Variants in SLC6A13 observed in about 807,000 individuals in gnomAD.
SLC6A13 encodes sodium- and chloride-dependent GABA transporter 2.
In SLC6A13, 69 loss-of-function variants were observed where a neutral mutation model predicts 72.9. The observed-to-expected ratio is 0.95, with a 90% confidence interval of 0.78 to 1.16. The LOEUF is 1.16. Among genes scored for constraint, SLC6A13 ranks in the 50% most tolerant of loss-of-function variants. The pLI is 0.00. For synonymous variants in SLC6A13, 303 were observed against 303.0 expected, an observed-to-expected ratio of 1.00 and a Z score of 0.00; for missense variants, 735 against 760.5, an observed-to-expected ratio of 0.97 and a Z score of 0.39.
rs551801002 is a variant in SLC6A13, at chr12:259,730, C to T, written c.202+121G>A. 3.6e-5 allele frequency: 58 copies of T among 1,598,834 alleles called. No homozygotes were observed. The African/African-American group carries it at 5.2e-4, about 14-fold the overall frequency. ...CAGAGTGTCCTTAATGACCTCTAAG[C>T]GTCCTCCTACCTCCAGAATTCTATA... On this transcript the variant is annotated intron_variant, in intron 2 of 14. Coordinates refer to ENST00000343164, the MANE Select transcript of SLC6A13 (RefSeq NM_016615.5).
intron 8 of SLC6A13, 27 bp from the exon 9 acceptor site, chr12:226,541 GGAAT>G (rs767035978): frequency 6.2e-7 from 1 of 1,608,816 alleles, no homozygotes; most frequent in African/African-American, 1.3e-5. Context: ...AGGAGAGGGC[GGAAT>G]GGCAGGGTCA....
chr12:224,376 CCT>C, intron 10 of SLC6A13, 23 bp downstream of exon 10: 2 of 1,581,538 alleles, frequency 1.3e-6, no homozygotes, highest in Non-Finnish European at 1.7e-6. Flanking sequence ...CATCTCTCAG[CCT>C]CTGAGTGGCT....
Position 247,035 on chromosome 12 carries a change from A to G in SLC6A13, c.203-3222T>C, listed in dbSNP as rs541701741. 3.3e-3 allele frequency among the ~76,000 whole-genome samples: 500 copies of G among 150,258 alleles called. 4 individuals carry two copies. The highest frequency in any genetic ancestry group is 0.012 in the African/African-American group (474 of 41,150). On this transcript the variant is annotated intron_variant, in intron 2 of 14. Coordinates refer to ENST00000343164, the MANE Select transcript of SLC6A13 (RefSeq NM_016615.5). ...AAAAAAAAAAAAAGAAAGAAAGAAAAGAAAGAAAGAAAAGAAAAAAGAAAT... is the reference window on the plus strand; with the variant it reads ...AAAAAAAAAAAAAGAAAGAAAGAAAGGAAAGAAAGAAAAGAAAAAAGAAAT...
At chr12:232,356 G>A (rs1050996847) in intron 7 of SLC6A13, among the ~76,000 whole-genome samples, 6 of 152,244 alleles carry the variant, frequency 3.9e-5, no homozygotes, top group African/African-American at 1.4e-4. Context: ...CTCTTGTGTG[G>A]GGAATCCAAG....
chr12:228,096 A>G (rs1356660301), intron 7 of SLC6A13, among the ~76,000 whole-genome samples: 1 of 152,142 alleles, frequency 6.6e-6, no homozygotes, highest in African/African-American at 2.4e-5. Context: ...CACCACCAGT[A>G]TGTAGCTTTG....
Position 226,388 on chromosome 12 carries a change from A to C in SLC6A13, c.1060+2T>G, listed in dbSNP as rs900608397. On this transcript the variant is annotated splice_donor_variant, in intron 9 of 14. Transcript: ENST00000343164. LOFTEE classifies it high-confidence loss of function. ...CCTCCAGGCCTCCCCAGTAACACTCACCTGACTCGGCCACCTCAGAAATGG... is the reference window on the plus strand; with the variant it reads ...CCTCCAGGCCTCCCCAGTAACACTCCCCTGACTCGGCCACCTCAGAAATGG... 1 of 1,613,650 alleles carries C rather than the reference A, an allele frequency of 6.2e-7. No homozygotes were observed. The highest frequency in any genetic ancestry group is 1.3e-5 in the African/African-American group (1 of 74,904).
intron 11 of SLC6A13, 107 bp from the exon 12 acceptor site, chr12:223,341 T>G: frequency 1.6e-6 from 1 of 623,030 alleles, no homozygotes; most frequent in Non-Finnish European, 2.8e-6. Context: ...GCAGAGTTGG[T>G]GAGGATCACA....
chr12:224,196 G>A (rs1941342631), intron 10 of SLC6A13, 67 bp from the exon 11 acceptor site: 2 of 1,589,260 alleles, frequency 1.3e-6, no homozygotes, highest in Non-Finnish European at 1.7e-6. Context: ...ATGAGCGCTG[G>A]CTTCTCGCTC....
At chr12:247,797 T>C (rs1942405530) in intron 2 of SLC6A13, among the ~76,000 whole-genome samples, 2 of 151,966 alleles carry the variant, frequency 1.3e-5, no homozygotes, top group Non-Finnish European at 2.9e-5. Context: ...CATATAAAAA[T>C]GTATAAGAAG....
Position 242,687 on chromosome 12 carries a change from C to T in SLC6A13, c.405G>A (p.Trp135Ter). The T allele has an allele frequency of 1.2e-6, 2 of 1,611,890 alleles. No homozygotes were observed. The highest frequency in any genetic ancestry group is 1.7e-6 in the Non-Finnish European group (2 of 1,179,118). ...AGCTGCTGAAGAGGTAGAACAGGGC[C>T]CAGGCCAACACAATGATGTAGTAGA... ...LNVYYIIVLA[W>*]ALFYLFSSFT... The change falls in exon 4 of 15, where the codon TGG (tryptophan) becomes TGA (stop). Residue 135 changes from tryptophan (W) to a stop codon, truncating the protein, a stop_gained. Transcript: ENST00000343164. LOFTEE classifies it high-confidence loss of function.
chr12:240,714 G>C (rs538613614), intron 4 of SLC6A13, among the ~76,000 whole-genome samples: 24 of 152,346 alleles, frequency 1.6e-4, no homozygotes, highest in Admixed American at 1.6e-3. Context: ...GGCCGGTGCA[G>C]GTGCTACCAG....
chr12:235,087 T>C lies in SLC6A13; in HGVS notation c.831+3A>G. 6.2e-7 allele frequency: 1 copy of C among 1,614,220 alleles called. No homozygotes were observed. ...GTGAGGGCTCCTGTCTGTGGCTTCT[T>C]ACCTGGGGATCCCACAGACGCGTGA... On this transcript the variant is annotated splice_donor_region_variant and intron_variant, in intron 7 of 14. Coordinates refer to ENST00000343164, the MANE Select transcript of SLC6A13 (RefSeq NM_016615.5).
chr12:227,490 C>T (rs750575413), intron 8 of SLC6A13, 75 bp downstream of exon 8: 128 of 1,595,848 alleles, frequency 8.0e-5, no homozygotes, highest in Non-Finnish European at 1.0e-4. Flanking sequence ...CCCTCCAACT[C>T]ACCCTCGTCT....
chr12:255,785 T>C (rs925138142), intron 2 of SLC6A13, among the ~76,000 whole-genome samples: 6 of 152,092 alleles, frequency 3.9e-5, no homozygotes, highest in Non-Finnish European at 7.4e-5. Context: ...AGTCTGAGAG[T>C]GGCCAACCTG....
At chr12:223,079 C>G in intron 12 of SLC6A13, 53 bp downstream of exon 12, 1 of 1,147,586 alleles carries the variant, frequency 8.7e-7, no homozygotes, top group Non-Finnish European at 1.3e-6. Flanking sequence ...CTAAGGACCC[C>G]AAGACCCTTA....
At chr12:240,508 T>A (rs775555365) in intron 4 of SLC6A13, among the ~76,000 whole-genome samples, 1 of 152,238 alleles carries the variant, frequency 6.6e-6, no homozygotes, top group Admixed American at 6.5e-5. Flanking sequence ...CCCAGACTAA[T>A]TATAATAAAA....
intron 2 of SLC6A13, among the ~76,000 whole-genome samples, chr12:247,241 TA>T (rs899129480): frequency 7.9e-4 from 115 of 145,144 alleles, no homozygotes; most frequent in African/African-American, 2.2e-3. Context: ...ACACCAAGAT[TA>T]AAAAAAAAAT....
At chr12:241,418 T>G (rs373345898) in intron 4 of SLC6A13, among the ~76,000 whole-genome samples, 1 of 152,192 alleles carries the variant, frequency 6.6e-6, no homozygotes, top group Admixed American at 6.5e-5. Context: ...GAGAGAGGGA[T>G]GTGCCAAGAA....
rs200775971 is a variant in SLC6A13, at chr12:235,159, C to A, written c.762G>T (p.Thr254=). The A allele has an allele frequency of 1.2e-6, 2 of 1,614,020 alleles. No homozygotes were observed. The highest frequency in any genetic ancestry group is 1.7e-6 in the Non-Finnish European group (2 of 1,179,966). The change falls in exon 7 of 15, where the codon ACG becomes ACT. Residue 254 remains threonine (T), a synonymous_variant. Coordinates refer to ENST00000343164, the MANE Select transcript of SLC6A13 (RefSeq NM_016615.5). ...MLVVLLIRGV[T]LPGAAQGIQF... is the part of the protein sequence containing the mutation. Reference sequence around the variant, plus strand: ...GAATTCCTTGGGCTGCCCCAGGCAACGTCACCCCTCGAATTAACAGGACCA... The same window carrying A: ...GAATTCCTTGGGCTGCCCCAGGCAAAGTCACCCCTCGAATTAACAGGACCA...
Sources: allele counts gnomAD v4.1 joint callset (sites outside exome capture counted in the v4.1 genomes callset), GRCh38; gene constraint gnomAD v4.1.1; transcripts MANE v1.5; gene names NCBI Gene and HGNC (gene_info 2026-07-23, HGNC 2026-07-21).